FER: variants seen among roughly 807,000 people sequenced by gnomAD.
FER encodes the protein tyrosine-protein kinase Fer.
In FER, 63 loss-of-function variants were observed where a neutral mutation model predicts 111.0. That is an observed-to-expected ratio of 0.57 (90% CI 0.46 to 0.70). The LOEUF (loss-of-function observed/expected upper bound fraction) is 0.70. Ranked by LOEUF, FER falls within the 30% of genes least tolerant of loss-of-function variation. The pLI is 0.00. For missense variants in FER, 914 were observed against 954.0 expected (o/e 0.96, Z 0.55); for synonymous variants, 327 against 313.9 (o/e 1.04, Z -0.44).
chr5:108,995,962 C>T (rs1763929746), intron 13 of FER, among the ~76,000 whole-genome samples: 1 of 152,188 alleles, frequency 6.6e-6, no homozygotes, highest in Admixed American at 6.5e-5. Flanking sequence ...ACCATTCTAA[C>T]TGGTGTGAGA....
At chr5:109,086,946 C>A (rs1777631509) in intron 16 of FER, among the ~76,000 whole-genome samples, 1 of 148,982 alleles carries the variant, frequency 6.7e-6, no homozygotes, top group African/African-American at 2.5e-5. Context: ...ACATGATCTT[C>A]CCTTTGTCTG....
At chr5:108,811,683 T>C (rs1248952726) in intron 3 of FER, among the ~76,000 whole-genome samples, 7 of 152,158 alleles carry the variant, frequency 4.6e-5, no homozygotes, top group Non-Finnish European at 8.8e-5. Flanking sequence ...ATATGCTGTC[T>C]GCAAGCTGGA....
intron 3 of FER, among the ~76,000 whole-genome samples, chr5:108,814,447 G>A (rs1758072091): frequency 6.6e-6 from 1 of 152,120 alleles, no homozygotes. Flanking sequence ...GTCCACCCTA[G>A]GTACAATACG....
At chr5:108,883,211 A>G (rs987456833) in intron 8 of FER, among the ~76,000 whole-genome samples, 185 bp from the exon 9 acceptor site, 2 of 152,020 alleles carry the variant, frequency 1.3e-5, no homozygotes, top group Admixed American at 1.3e-4. Flanking sequence ...CAGTAGCTAC[A>G]TTTCTGTTTA....
At chr5:108,978,695 T>C (rs1761679511) in intron 13 of FER, among the ~76,000 whole-genome samples, 1 of 152,226 alleles carries the variant, frequency 6.6e-6, no homozygotes. Flanking sequence ...GTTGAGAGAA[T>C]GTTTTAAAGA....
intron 5 of FER, among the ~76,000 whole-genome samples, chr5:108,851,941 A>G (rs912315407): frequency 6.6e-6 from 1 of 152,234 alleles, no homozygotes; most frequent in African/African-American, 2.4e-5. Flanking sequence ...TAGCTACTCC[A>G]CATTACACAT....
intron 13 of FER, among the ~76,000 whole-genome samples, chr5:108,974,221 T>C (rs950897850): frequency 6.6e-6 from 1 of 152,144 alleles, no homozygotes; most frequent in Admixed American, 6.5e-5. Flanking sequence ...GCAAGATAGA[T>C]TAGTGAGAAT....
At chr5:109,011,515 TTG>T in intron 13 of FER, among the ~76,000 whole-genome samples, 1 of 152,366 alleles carries the variant, frequency 6.6e-6, no homozygotes, top group Admixed American at 6.5e-5. Context: ...AGCATGCCAT[TTG>T]TAATATTTCC....
chr5:108,747,911 A>T lies in FER; in HGVS notation c.-295A>T, dbSNP rs1388472385. On this transcript the variant is annotated 5_prime_UTR_variant, in exon 1 of 20. Transcript: ENST00000281092. ...TAGTTCACATTACTCATTTTTCACC[A>T]AATTCTTTTGGTGAAGGACGCTTCA... is the stretch of plus-strand genomic sequence containing the variant. The T allele has an allele frequency of 6.6e-6, 1 of 152,200 alleles. No individual in the cohort carries two copies. Among genetic ancestry groups the T allele is most frequent in the East Asian group, 1.9e-4 (1 of 5,200 alleles). 9.4% of individuals were successfully genotyped at this position (152,200 alleles called of 1,614,324 possible). A position where few individuals can be genotyped will look rare whatever the true frequency, so the allele number is the denominator to read the frequency against.
intron 3 of FER, among the ~76,000 whole-genome samples, chr5:108,813,324 C>G (rs1052356943): frequency 1.3e-5 from 2 of 152,044 alleles, no homozygotes; most frequent in African/African-American, 4.8e-5. Flanking sequence ...CCCTTTGTTA[C>G]TGATGTTAAG....
chr5:109,196,478 A>C lies in FER; in HGVS notation c.*8903A>C, dbSNP rs1307373233. 6.6e-6 allele frequency: 1 copy of C among 152,270 alleles called. No homozygotes were observed. Among genetic ancestry groups the C allele is most frequent in the Non-Finnish European group, 1.5e-5 (1 of 68,048 alleles). The allele number at this position is 152,270 out of a possible 1,614,324, so 9.4% of individuals were successfully genotyped here. ...ATAGGGTGCTTCTTCTGGAAAGTTCAGTGTAAAACACAAACAAGGCTTTGG... is the reference window on the plus strand; with the variant it reads ...ATAGGGTGCTTCTTCTGGAAAGTTCCGTGTAAAACACAAACAAGGCTTTGG... On this transcript the variant is annotated 3_prime_UTR_variant, in exon 20 of 20. Transcript: ENST00000281092.
intron 6 of FER, among the ~76,000 whole-genome samples, chr5:108,868,252 A>G (rs1242152226): frequency 6.6e-6 from 1 of 152,144 alleles, no homozygotes; most frequent in Non-Finnish European, 1.5e-5. Flanking sequence ...ATCTGCCTCC[A>G]GAGAGTTGGG....
chr5:109,114,205 A>G (rs1392582830), intron 17 of FER, among the ~76,000 whole-genome samples: 1 of 152,088 alleles, frequency 6.6e-6, no homozygotes, highest in Non-Finnish European at 1.5e-5. Context: ...GTCTTTTGTA[A>G]CTACTCTATA....
chr5:109,005,493 A>G (rs537628501), intron 13 of FER, among the ~76,000 whole-genome samples: 1 of 152,194 alleles, frequency 6.6e-6, no homozygotes, highest in Non-Finnish European at 1.5e-5. Flanking sequence ...ATGTATAAGC[A>G]TGTGTCATCT....
chr5:109,027,678 A>G (rs1167255063), intron 13 of FER, among the ~76,000 whole-genome samples: 1 of 152,178 alleles, frequency 6.6e-6, no homozygotes, highest in Non-Finnish European at 1.5e-5. Context: ...ATAATAAATA[A>G]TGACCATCTG....
rs1764506696 is a variant in FER at position 108,870,585 on chromosome 5, G to A, written c.666-780G>A. On this transcript the variant is annotated intron_variant, in intron 6 of 19. Transcript: ENST00000281092. ...TTTTCCTATTTAAAATAAAGTAATTGAGAGAATACTTCACAATAAGGGAGC... is the reference window on the plus strand; with the variant it reads ...TTTTCCTATTTAAAATAAAGTAATTAAGAGAATACTTCACAATAAGGGAGC... Among the ~76,000 whole-genome samples, 4 of 152,150 alleles carry A rather than the reference G, an allele frequency of 2.6e-5. No homozygotes were observed. In the South Asian group the frequency reaches 6.2e-4, roughly 24 times the overall value.
chr5:108,941,653 G>A lies in FER; in HGVS notation c.1237-4477G>A, dbSNP rs116497794. On this transcript the variant is annotated intron_variant, in intron 10 of 19. Coordinates refer to ENST00000281092, the MANE Select transcript of FER (RefSeq NM_005246.4). Reference sequence around the variant, plus strand: ...TGATAATCTAATTTATAATAGTTATGATTTTTCATACAAGCAAATTACACA... The same window carrying A: ...TGATAATCTAATTTATAATAGTTATAATTTTTCATACAAGCAAATTACACA... Among the ~76,000 whole-genome samples the A allele has an allele frequency of 9.3e-3, 1,420 of 152,186 alleles. 9 individuals carry two copies. Among genetic ancestry groups the A allele is most frequent in the Non-Finnish European group, 0.014 (961 of 68,014 alleles).
intron 16 of FER, chr5:109,052,317 A>G (rs1292243164): frequency 1.9e-6 from 3 of 1,606,808 alleles, no homozygotes; most frequent in Non-Finnish European, 2.6e-6. Flanking sequence ...CAGACTGCTC[A>G]TCTCCCCAGG....
rs1394030790 is a variant in FER at position 109,192,522 on chromosome 5, T to A, written c.*4947T>A. 1.3e-5 allele frequency: 2 copies of A among 152,194 alleles called. No individual in the cohort carries two copies. Among genetic ancestry groups the A allele is most frequent in the African/African-American group, 4.8e-5 (2 of 41,454 alleles). The allele number at this position is 152,194 out of a possible 1,614,324, so 9.4% of individuals were successfully genotyped here. A position where few individuals can be genotyped will look rare whatever the true frequency, so the allele number is the denominator to read the frequency against. On this transcript the variant is annotated 3_prime_UTR_variant, in exon 20 of 20. Transcript: ENST00000281092. The stretch of plus-strand genomic sequence containing the variant: ...GCTGGGAAATGCTTATATTCATTAT[T>A]TCCCAACTAATGCATTTGGACATAT...
Sources: gnomAD v4.1 joint callset for allele counts (sites outside exome capture counted in the v4.1 genomes callset) on GRCh38, gnomAD v4.1.1 for gene constraint, MANE v1.5 for transcripts, NCBI Gene and HGNC (gene_info 2026-07-23, HGNC 2026-07-21) for gene names.